LOC128706666: variants seen among roughly 807,000 people sequenced by gnomAD.
At chr20:10,425,166 G>A in the LOC128706666 span, among the ~76,000 whole-genome samples, 1 of 152,060 alleles carries the variant, frequency 6.6e-6, no homozygotes, top group African/African-American at 2.4e-5. Flanking sequence ...GGAAAAGAGA[G>A]CTAAAATCTT....
the LOC128706666 span, among the ~76,000 whole-genome samples, chr20:10,428,157 C>G: frequency 1.3e-5 from 2 of 152,208 alleles, no homozygotes; most frequent in Non-Finnish European, 2.9e-5. Flanking sequence ...AACTAGCTTA[C>G]CAGCAAGCTG....
At chr20:10,424,718 G>C in the LOC128706666 span, among the ~76,000 whole-genome samples, 5 of 152,048 alleles carry the variant, frequency 3.3e-5, no homozygotes, top group Non-Finnish European at 4.4e-5. Flanking sequence ...TTTAAATTTA[G>C]CACTTTTTTT....
chr20:10,417,723 AAAC>A, the LOC128706666 span, among the ~76,000 whole-genome samples: 1 of 152,232 alleles, frequency 6.6e-6, no homozygotes, highest in African/African-American at 2.4e-5. Context: ...ATTATATATG[AAAC>A]AACATGATTA....
At chr20:10,417,246 A>C in the LOC128706666 span, among the ~76,000 whole-genome samples, 1 of 716 alleles carries the variant, frequency 1.4e-3, no homozygotes, top group Non-Finnish European at 0.018. Flanking sequence ...ACTCCATCTT[A>C]AAAAAAAAAA....
the LOC128706666 span, among the ~76,000 whole-genome samples, chr20:10,421,589 C>G: frequency 6.6e-6 from 1 of 152,050 alleles, no homozygotes; most frequent in African/African-American, 2.4e-5. Flanking sequence ...TAAAAGATTT[C>G]TGGCTTGAAC....
chr20:10,426,252 T>C, the LOC128706666 span, among the ~76,000 whole-genome samples: 2 of 152,222 alleles, frequency 1.3e-5, no homozygotes, highest in Non-Finnish European at 2.9e-5. Context: ...TACTAAGCAA[T>C]TCTTCAAGTC....
the LOC128706666 span, among the ~76,000 whole-genome samples, chr20:10,428,762 C>G: frequency 6.6e-6 from 1 of 152,186 alleles, no homozygotes. Flanking sequence ...TCGCTTGAAT[C>G]CAGGAGGCAG....
the LOC128706666 span, among the ~76,000 whole-genome samples, chr20:10,433,558 G>T: frequency 6.6e-6 from 1 of 152,202 alleles, no homozygotes; most frequent in African/African-American, 2.4e-5. Context: ...TTTGGGTATG[G>T]TCTTATCGGG....
chr20:10,425,299 T>A, the LOC128706666 span, among the ~76,000 whole-genome samples: 1 of 152,340 alleles, frequency 6.6e-6, no homozygotes, highest in East Asian at 1.9e-4. Context: ...GGCGATATCC[T>A]AATTTGACCA....
At chr20:10,429,190 T>C in the LOC128706666 span, among the ~76,000 whole-genome samples, 4 of 152,198 alleles carry the variant, frequency 2.6e-5, no homozygotes, top group Admixed American at 6.5e-5. Context: ...TCATTCTCCA[T>C]GGAAAGTGTT....
At chr20:10,423,403 T>C in the LOC128706666 span, among the ~76,000 whole-genome samples, 5 of 151,988 alleles carry the variant, frequency 3.3e-5, no homozygotes, top group Non-Finnish European at 5.9e-5. Context: ...GGACAGGTGA[T>C]GAAATGCGAT....
the LOC128706666 span, among the ~76,000 whole-genome samples, chr20:10,430,207 C>T: frequency 6.6e-6 from 1 of 152,260 alleles, no homozygotes; most frequent in Admixed American, 6.5e-5. Flanking sequence ...CACTTTAAAT[C>T]ATTTTTGTAA....
chr20:10,434,049 C>G, the LOC128706666 span: 2 of 152,456 alleles, frequency 1.3e-5, no homozygotes, highest in African/African-American at 4.8e-5. Context: ...CAAGCCCCTT[C>G]CCCTCTCTTC....
At chr20:10,421,906 A>G in the LOC128706666 span, among the ~76,000 whole-genome samples, 1 of 152,074 alleles carries the variant, frequency 6.6e-6, no homozygotes, top group Admixed American at 6.6e-5. Context: ...TACTCTTAAT[A>G]AGGACTGCTC....
At chr20:10,433,019 A>G in the LOC128706666 span, among the ~76,000 whole-genome samples, 2 of 152,038 alleles carry the variant, frequency 1.3e-5, no homozygotes, top group African/African-American at 4.8e-5. Flanking sequence ...TTATTTATTT[A>G]TTTTCTTAAA....
the LOC128706666 span, among the ~76,000 whole-genome samples, chr20:10,425,811 C>T: frequency 6.6e-6 from 1 of 152,100 alleles, no homozygotes; most frequent in Admixed American, 6.5e-5. Context: ...GATTTTTTCC[C>T]TTCCTTACCC....
the LOC128706666 span, among the ~76,000 whole-genome samples, chr20:10,423,796 G>A: frequency 6.6e-6 from 1 of 152,178 alleles, no homozygotes; most frequent in Non-Finnish European, 1.5e-5. Flanking sequence ...TTTAGGTTTA[G>A]TTAAACCTGG....
the LOC128706666 span, among the ~76,000 whole-genome samples, chr20:10,419,118 C>T: frequency 6.6e-6 from 1 of 152,066 alleles, no homozygotes; most frequent in African/African-American, 2.4e-5. Context: ...CAGACCAAGG[C>T]TTATAAATAA....
chr20:10,421,943 T>C, the LOC128706666 span, among the ~76,000 whole-genome samples: 8,028 of 152,112 alleles, frequency 0.053, 254 homozygotes, highest in Admixed American at 0.079. Flanking sequence ...TGCTATGAAC[T>C]TGGCTCAATT....
Sources: gnomAD v4.1 joint callset for allele counts (sites outside exome capture counted in the v4.1 genomes callset) on GRCh38, gnomAD v4.1.1 for gene constraint, MANE v1.5 for transcripts.